TARBP1: variants seen among roughly 807,000 people sequenced by gnomAD.
TARBP1 encodes tRNA (guanosine(18)-2'-O)-methyltransferase TARBP1.
A neutral mutation model predicts 178.6 loss-of-function variants in TARBP1; 144 were observed. The ratio of observed to expected loss-of-function variants is 0.81; its 90% CI spans 0.70 to 0.93. The LOEUF is 0.93. Ranked by LOEUF, TARBP1 falls within the 40% of genes least tolerant of loss-of-function variation. The probability of loss-of-function intolerance (pLI) is 0.00; values close to 1 mark genes in which losing one functional copy is unlikely to be tolerated. For synonymous variants in TARBP1, 787 were observed against 781.0 expected, an observed-to-expected ratio of 1.01 and a Z score of -0.13; for missense variants, 2,067 against 2,011.7, an observed-to-expected ratio of 1.03 and a Z score of -0.53.
In TARBP1 at chr1:234,465,710, T is replaced by TAAAAAAAAAAAAAAAAAAAAAACA; in HGVS notation, c.1249-3_1249-2insTGTTTTTTTTTTTTTTTTTTTTTT. ...ATCCATTAATGGTCCAATAATAAAC[T>TAAAAAAAAAAAAAAAAAAAAAACA]AAAAAAAAAAAAAAAAAAAGACACG... On this transcript the variant is annotated splice_polypyrimidine_tract_variant and splice_region_variant and intron_variant, in intron 4 of 29. Coordinates refer to ENST00000040877, the MANE Select transcript of TARBP1 (RefSeq NM_005646.4). 1 of 1,270,750 alleles carries TAAAAAAAAAAAAAAAAAAAAAACA rather than the reference T, an allele frequency of 7.9e-7. No individual in the cohort carries two copies. The highest frequency in any genetic ancestry group is 2.9e-5 in the East Asian group (1 of 34,462). The allele number at this position is 1,270,750 out of a possible 1,614,324, so 78.7% of individuals were successfully genotyped here. A position where few individuals can be genotyped will look rare whatever the true frequency, so the allele number is the denominator to read the frequency against.
chr1:234,459,299 T>G lies in TARBP1; in HGVS notation c.1563A>C (p.Thr521=). 1 of 1,613,218 alleles carries G rather than the reference T, an allele frequency of 6.2e-7. No individual in the cohort carries two copies. Among genetic ancestry groups the G allele is most frequent in the Non-Finnish European group, 8.5e-7 (1 of 1,179,650 alleles). ...LRDVIHCTMI[T]HQILLRGAAQ... ...CTGCCCCTCTCAGGAGAATCTGATG[T>G]GTGATCATAGTGCAATGAATAACAT... Residue 521 remains threonine, a synonymous_variant, in exon 8 of 30, where the codon ACA becomes ACC. Coordinates refer to ENST00000040877, the MANE Select transcript of TARBP1 (RefSeq NM_005646.4).
Position 234,463,850 on chromosome 1 carries a change from T to C in TARBP1, c.1386A>G (p.Pro462=). 6 of 1,573,944 alleles carry C rather than the reference T, an allele frequency of 3.8e-6. No individual in the cohort carries two copies. The highest frequency in any genetic ancestry group is 5.2e-6 in the Non-Finnish European group (6 of 1,160,162). ...ACTGACACATACTCTTTATTTCTTCTGGAAGAAGAGAAATATAAGTGACTA... is the reference window on the plus strand; with the variant it reads ...ACTGACACATACTCTTTATTTCTTCCGGAAGAAGAGAAATATAAGTGACTA... The part of the protein sequence containing the change: ...KFLVTYISLL[P]EEIKSSFLLK... Residue 462 remains proline, a synonymous_variant, in exon 6 of 30, where the codon CCA becomes CCG. Transcript: ENST00000040877.
chr1:234,437,552 T>G (rs1665158070), intron 12 of TARBP1, among the ~76,000 whole-genome samples, 180 bp from the exon 13 acceptor site: 1 of 152,180 alleles, frequency 6.6e-6, no homozygotes, highest in Admixed American at 6.5e-5. Flanking sequence ...TTAAGTCACT[T>G]AGGAGTTCCA....
intron 21 of TARBP1, among the ~76,000 whole-genome samples, chr1:234,419,097 T>TG (rs1415080676): frequency 2.6e-5 from 4 of 151,490 alleles, no homozygotes; most frequent in African/African-American, 4.8e-5. Context: ...GCGTGAACCC[T>TG]GGGGGGCGGA....
At chr1:234,412,717 A>G (rs1185416684) in intron 22 of TARBP1, among the ~76,000 whole-genome samples, 1 of 152,136 alleles carries the variant, frequency 6.6e-6, no homozygotes, top group Non-Finnish European at 1.5e-5. Context: ...AGATAAAGAG[A>G]AGAAAGAAGA....
Position 234,478,346 on chromosome 1 carries a change from CGCGCG to C in TARBP1, c.753_757del (p.Ala252ArgfsTer66). On this transcript the variant is annotated frameshift_variant, in exon 1 of 30. Transcript: ENST00000040877. LOFTEE classifies it high-confidence loss of function. ...GCGCCGGGCGTCCGGGCCCGCCTCG[CGCGCG>C]CCGCGGGCGCGGTCGCCGCCGGGCT... The C allele has an allele frequency of 7.8e-7, 1 of 1,275,726 alleles. No homozygotes were observed. The highest frequency in any genetic ancestry group is 2.8e-5 in the South Asian group (1 of 35,540). The allele number at this position is 1,275,726 out of a possible 1,614,324, so 79.0% of individuals were successfully genotyped here.
chr1:234,399,648 A>G (rs1660478100), intron 25 of TARBP1, among the ~76,000 whole-genome samples: 1 of 152,138 alleles, frequency 6.6e-6, no homozygotes. Flanking sequence ...ATGTCCAACA[A>G]TGATAGACTG....
At chr1:234,474,999 C>T (rs1264600863) in intron 1 of TARBP1, among the ~76,000 whole-genome samples, 1 of 152,240 alleles carries the variant, frequency 6.6e-6, no homozygotes, top group Non-Finnish European at 1.5e-5. Flanking sequence ...AGGAGCAAGA[C>T]ATGGTCACCC....
At chr1:234,435,993 T>A (rs1031264346) in intron 13 of TARBP1, among the ~76,000 whole-genome samples, 7 of 152,232 alleles carry the variant, frequency 4.6e-5, no homozygotes, top group Non-Finnish European at 1.0e-4. Flanking sequence ...TATTAAACTC[T>A]AAGCTACTAA....
At position 234,439,462 on chromosome 1, in the gene TARBP1, C is replaced by CA. The variant is rs1398058597; in HGVS notation, c.2135-2091dup. Among the ~76,000 whole-genome samples the CA allele has an allele frequency of 5.9e-5, 9 of 151,812 alleles. No homozygotes were observed. In the East Asian group the frequency reaches 1.4e-3, roughly 23 times the overall value. ...CAATCCTAAGGCAACCACACACACA[C>CA]AAAAAAAGGCTGAATTTAAATGGAA... On this transcript the variant is annotated intron_variant, in intron 12 of 29. Coordinates refer to ENST00000040877, the MANE Select transcript of TARBP1 (RefSeq NM_005646.4).
intron 12 of TARBP1, among the ~76,000 whole-genome samples, chr1:234,444,587 C>T (rs145899610): frequency 6.6e-6 from 1 of 152,258 alleles, no homozygotes; most frequent in Admixed American, 6.5e-5. Context: ...AATCCTACAG[C>T]ACTGCCTCAG....
chr1:234,433,462 G>C lies in TARBP1; in HGVS notation c.2342C>G (p.Ser781Cys). ...CTGAATGGATGCATTTTTCAAAAGA[G>C]AAATAACTCTCCAGATAGGGTTACC... ...KRGNPIWRVI[S>C]LLKNASIQHL... Residue 781 changes from serine (S) to cysteine (C), a missense_variant, in exon 14 of 30, where the codon TCT becomes TGT. Ser to Cys is a moderately radical substitution (Grantham distance 112, BLOSUM62 -1). Coordinates refer to ENST00000040877, the MANE Select transcript of TARBP1 (RefSeq NM_005646.4). 6.2e-7 allele frequency: 1 copy of C among 1,613,946 alleles called. No individual in the cohort carries two copies. Among genetic ancestry groups the C allele is most frequent in the Non-Finnish European group, 8.5e-7 (1 of 1,179,980 alleles).
At chr1:234,428,837 C>T (rs1386642216) in intron 17 of TARBP1, among the ~76,000 whole-genome samples, 11 of 152,164 alleles carry the variant, frequency 7.2e-5, no homozygotes, top group African/African-American at 1.4e-4. Flanking sequence ...TGAGCCACCC[C>T]GCCTGGCCAG....
chr1:234,396,798 A>G (rs976976437), intron 26 of TARBP1, among the ~76,000 whole-genome samples: 2 of 152,036 alleles, frequency 1.3e-5, no homozygotes, highest in African/African-American at 4.8e-5. Context: ...TAAGGGTGGG[A>G]CATGGAATCT....
Position 234,430,094 on chromosome 1 carries a change from A to T in TARBP1, c.2602T>A (p.Cys868Ser). The T allele has an allele frequency of 6.2e-7, 1 of 1,609,884 alleles. No homozygotes were observed. Among genetic ancestry groups the T allele is most frequent in the East Asian group, 2.2e-5 (1 of 44,712 alleles). The change falls in exon 15 of 30, where the codon TGC (cysteine) becomes AGC (serine). Residue 868 changes from cysteine (C) to serine (S), a missense_variant. Coordinates refer to ENST00000040877, the MANE Select transcript of TARBP1 (RefSeq NM_005646.4). ...CCTTAACCTTCCCTGTACCTGCTGC[A>T]CTCCAAGGGGTGAGCATAACTGCTC... ...EQSSYAHPLE[C>S]SSVLEESSSS... is the part of the protein sequence containing the mutation.
In TARBP1 at chr1:234,410,055, G is replaced by C. The variant is rs969989965; in HGVS notation, c.3792+390C>G. On this transcript the variant is annotated intron_variant, in intron 23 of 29. Transcript: ENST00000040877. ...TTACCCAACAGCTTTTAATAGTCTG[G>C]CCATAAGTTTCTTTGCACGAGCATT... Among the ~76,000 whole-genome samples, 5 of 152,246 alleles carry C rather than the reference G, an allele frequency of 3.3e-5. No individual in the cohort carries two copies. In the East Asian group the frequency reaches 9.6e-4, roughly 29 times the overall value.
chr1:234,431,403 A>T (rs1664418252), intron 14 of TARBP1, among the ~76,000 whole-genome samples: 1 of 152,250 alleles, frequency 6.6e-6, no homozygotes, highest in Admixed American at 6.5e-5. Flanking sequence ...TATATTTAGA[A>T]CTCACAATGT....
At chr1:234,440,136 A>C (rs1489869997) in intron 12 of TARBP1, among the ~76,000 whole-genome samples, 1 of 152,226 alleles carries the variant, frequency 6.6e-6, no homozygotes, top group Admixed American at 6.5e-5. Context: ...GAAAGCTTCA[A>C]GGAAAGTTAG....
At chr1:234,446,695 A>T in intron 12 of TARBP1, 108 bp downstream of exon 12, 1 of 462,918 alleles carries the variant, frequency 2.2e-6, no homozygotes, top group Non-Finnish European at 3.1e-6. Flanking sequence ...TTTCTAAATT[A>T]TATAAAAAGT....
Sources: allele counts gnomAD v4.1 joint callset (sites outside exome capture counted in the v4.1 genomes callset), GRCh38; gene constraint gnomAD v4.1.1; transcripts MANE v1.5; gene names NCBI Gene and HGNC (gene_info 2026-07-23, HGNC 2026-07-21).